The following DPP6 variants were observed in gnomAD, a reference collection of about 807,000 sequenced individuals.
DPP6 encodes the protein A-type potassium channel modulatory protein DPP6.
Under a neutral mutation model 122.6 loss-of-function variants are expected in DPP6, and 69 were observed. The observed-to-expected ratio is 0.56, with a 90% confidence interval of 0.46 to 0.69. The LOEUF (loss-of-function observed/expected upper bound fraction) is 0.69, where lower values mean the gene tolerates loss of function less well. Among genes scored for constraint, DPP6 ranks in the 30% least tolerant of loss-of-function variants. The probability of loss-of-function intolerance (pLI) is 0.00; values close to 1 mark genes in which losing one functional copy is unlikely to be tolerated. For missense variants in DPP6, 928 were observed against 1,116.9 expected, an observed-to-expected ratio of 0.83 and a Z score of 2.41; for synonymous variants, 418 against 433.1, an observed-to-expected ratio of 0.97 and a Z score of 0.43.
intron 1 of DPP6, among the ~76,000 whole-genome samples, chr7:154,338,814 C>A (rs781489091): frequency 2.6e-5 from 4 of 152,204 alleles, no homozygotes; most frequent in Non-Finnish European, 5.9e-5. Flanking sequence ...CACCTCTCTT[C>A]CTCGCCTTTT....
chr7:154,629,019 T>C lies in DPP6; in HGVS notation c.628-8802T>C, dbSNP rs146428133. ...GATCTTCTCGGACTCCTCAAGGTTA[T>C]CAGAGTAAAAAAAGGAATATGTACA... On this transcript the variant is annotated intron_variant, in intron 5 of 25. Transcript: ENST00000377770. 2.8e-3 allele frequency among the ~76,000 whole-genome samples: 425 copies of C among 152,268 alleles called. 4 individuals are homozygous for C. Among genetic ancestry groups the C allele is most frequent in the Non-Finnish European group, 4.7e-3 (318 of 68,022 alleles).
rs755543207 is a variant in DPP6, at chr7:154,807,067, G to A, written c.1621G>A (p.Ala541Thr). 223 of 1,613,738 alleles carry A rather than the reference G, an allele frequency of 1.4e-4. No individual in the cohort carries two copies. The highest frequency in any genetic ancestry group is 5.3e-5 in the African/African-American group (4 of 75,068). ...DLVENCTYFSASFSHSMDFFL... is the reference protein window; with the variant it reads ...DLVENCTYFSTSFSHSMDFFL... ...GGTTGAGAACTGCACCTACTTCAGCGCTTCCTTCAGCCATAGCATGGACTT... is the reference window on the plus strand; with the variant it reads ...GGTTGAGAACTGCACCTACTTCAGCACTTCCTTCAGCCATAGCATGGACTT... The change falls in exon 16 of 26, where the codon GCT (alanine) becomes ACT (threonine). Residue 541 changes from alanine (A) to threonine (T), a missense_variant. By Grantham distance (58) the Ala-to-Thr change is moderately conservative. Transcript: ENST00000377770.
chr7:154,710,329 G>T (rs1324457986), intron 7 of DPP6, among the ~76,000 whole-genome samples: 5 of 152,202 alleles, frequency 3.3e-5, no homozygotes, highest in Admixed American at 6.5e-5. Context: ...CATAAATAAT[G>T]CTGTCATGAA....
intron 3 of DPP6, among the ~76,000 whole-genome samples, chr7:154,536,167 A>G (rs1434606135): frequency 6.6e-6 from 1 of 152,184 alleles, no homozygotes; most frequent in Non-Finnish European, 1.5e-5. Flanking sequence ...CAAGATCATT[A>G]TGGTAAGTGA....
intron 1 of DPP6, among the ~76,000 whole-genome samples, chr7:154,269,638 T>C (rs995773364): frequency 2.6e-5 from 4 of 152,244 alleles, no homozygotes; most frequent in Non-Finnish European, 4.4e-5. Context: ...TCCGCTTCTC[T>C]GGGCTTTGGC....
At chr7:154,058,936 C>T (rs1801228647) in intron 1 of DPP6, 1 of 151,802 alleles carries the variant, frequency 6.6e-6, no homozygotes, top group South Asian at 2.1e-4. Flanking sequence ...TGTTAGTACC[C>T]CCATCGCAGG....
intron 1 of DPP6, among the ~76,000 whole-genome samples, chr7:153,980,869 C>G (rs1374947358): frequency 2.0e-5 from 3 of 152,198 alleles, no homozygotes; most frequent in Admixed American, 6.5e-5. Flanking sequence ...GAGTGAGTGT[C>G]TTAATCCTGA....
At chr7:154,356,776 A>T (rs1811303707) in intron 1 of DPP6, among the ~76,000 whole-genome samples, 1 of 152,208 alleles carries the variant, frequency 6.6e-6, no homozygotes, top group African/African-American at 2.4e-5. Context: ...CATCTTGCTG[A>T]AGGTCATTTT....
At chr7:154,063,057 A>G (rs1367165366) in intron 1 of DPP6, among the ~76,000 whole-genome samples, 1 of 128,060 alleles carries the variant, frequency 7.8e-6, no homozygotes, top group Non-Finnish European at 1.7e-5. Context: ...ACCCCCCACG[A>G]GAGTGGGGAC....
At chr7:154,670,886 T>C (rs574887457) in intron 7 of DPP6, among the ~76,000 whole-genome samples, 17 of 152,308 alleles carry the variant, frequency 1.1e-4, no homozygotes, top group Non-Finnish European at 1.9e-4. Flanking sequence ...GGTGAAACTA[T>C]TAATATTTTA....
chr7:154,732,049 T>G (rs964776342), intron 8 of DPP6, among the ~76,000 whole-genome samples: 24 of 152,220 alleles, frequency 1.6e-4, no homozygotes, highest in East Asian at 3.9e-4. Flanking sequence ...TTGTTTGTTT[T>G]TTTTTTTGAG....
chr7:154,360,192 C>T (rs1040561443), intron 1 of DPP6, among the ~76,000 whole-genome samples: 2 of 152,132 alleles, frequency 1.3e-5, no homozygotes, highest in African/African-American at 4.8e-5. Context: ...TTTATTTATT[C>T]TTAAAATATC....
At chr7:154,546,881 A>G (rs71534134) in intron 4 of DPP6, among the ~76,000 whole-genome samples, 4,790 of 152,346 alleles carry the variant, frequency 0.031, 94 homozygotes, top group Non-Finnish European at 0.046. Flanking sequence ...TCCACTGGAT[A>G]CTTGACCCCT....
chr7:153,915,600 A>C (rs1351922337), intron 1 of DPP6, among the ~76,000 whole-genome samples: 1 of 152,206 alleles, frequency 6.6e-6, no homozygotes, highest in African/African-American at 2.4e-5. Context: ...GAGGCCTTTG[A>C]GGACAGTCAC....
Position 154,533,997 on chromosome 7 carries a change from C to CAA in DPP6, c.458-6524_458-6523dup, listed in dbSNP as rs34678693. The stretch of plus-strand genomic sequence containing the variant: ...TAGGTAACAGAGCAAGACCCTGTCT[C>CAA]AAAAAAAAAAAATCAATACTATATA... On this transcript the variant is annotated intron_variant, in intron 3 of 25. Coordinates refer to ENST00000377770, the MANE Select transcript of DPP6 (RefSeq NM_130797.4). 3.6e-3 allele frequency among the ~76,000 whole-genome samples: 513 copies of CAA among 144,016 alleles called. 3 individuals carry two copies. The highest frequency in any genetic ancestry group is 0.011 in the African/African-American group (414 of 39,378). 94.5% of individuals were successfully genotyped at this position (144,016 alleles called of 152,430 possible). A position where few individuals can be genotyped will look rare whatever the true frequency, so the allele number is the denominator to read the frequency against.
chr7:153,966,962 G>A (rs1795774443), intron 1 of DPP6, among the ~76,000 whole-genome samples: 1 of 151,186 alleles, frequency 6.6e-6, no homozygotes, highest in Non-Finnish European at 1.5e-5. Context: ...AGCTACTTGG[G>A]AGGCTGAGGT....
intron 7 of DPP6, among the ~76,000 whole-genome samples, chr7:154,720,768 C>A (rs1841761099): frequency 6.6e-6 from 1 of 152,252 alleles, no homozygotes; most frequent in African/African-American, 2.4e-5. Context: ...AAGGGGTGGG[C>A]AGCCCCTTCA....
intron 1 of DPP6, among the ~76,000 whole-genome samples, chr7:154,166,525 G>T (rs1327535839): frequency 2.6e-5 from 4 of 151,834 alleles, no homozygotes; most frequent in Non-Finnish European, 5.9e-5. Context: ...CTCCCCCGAA[G>T]AACTTTTGAA....
At chr7:154,113,412 T>TATATATATACACACACAC (rs1472172445) in intron 1 of DPP6, among the ~76,000 whole-genome samples, 5 of 141,892 alleles carry the variant, frequency 3.5e-5, no homozygotes, top group African/African-American at 1.3e-4. Context: ...TATATATATA[T>TATATATATACACACACAC]ACACACACAC....
Sources: gnomAD v4.1 joint callset for allele counts (sites outside exome capture counted in the v4.1 genomes callset) on GRCh38, gnomAD v4.1.1 for gene constraint, MANE v1.5 for transcripts, NCBI Gene and HGNC (gene_info 2026-07-23, HGNC 2026-07-21) for gene names.